CYP3A43: variants seen among roughly 807,000 people sequenced by gnomAD.
The protein encoded by CYP3A43 is cytochrome P450 3A43.
In CYP3A43, 45 loss-of-function variants were observed where a neutral mutation model predicts 58.0. The observed-to-expected ratio is 0.78, with a 90% CI of 0.61 to 0.99. The LOEUF (loss-of-function observed/expected upper bound fraction) is 0.99, where lower values mean the gene tolerates loss of function less well. Among genes scored for constraint, CYP3A43 ranks in the 50% least tolerant of loss-of-function variants. CYP3A43 has a pLI of 0.00. For missense variants in CYP3A43, 593 were observed against 591.9 expected, an observed-to-expected ratio of 1.00 and a Z score of -0.02; for synonymous variants, 191 against 201.4, an observed-to-expected ratio of 0.95 and a Z score of 0.44.
chr7:99,863,070 T>C (rs1356337748), intron 11 of CYP3A43, among the ~76,000 whole-genome samples: 4 of 152,236 alleles, frequency 2.6e-5, no homozygotes, highest in Admixed American at 2.0e-4. Flanking sequence ...CACATAACTA[T>C]ATTCTATAGA....
chr7:99,842,815 G>A (rs141333813), intron 3 of CYP3A43, among the ~76,000 whole-genome samples: 83 of 152,292 alleles, frequency 5.5e-4, no homozygotes, highest in Non-Finnish European at 8.8e-4. Context: ...CCCAGATGGC[G>A]TCCCTCGTAA....
chr7:99,851,874 G>A (rs1817775531), intron 7 of CYP3A43, among the ~76,000 whole-genome samples: 1 of 152,090 alleles, frequency 6.6e-6, no homozygotes, highest in Non-Finnish European at 1.5e-5. Context: ...AGAATCTATT[G>A]CCAATTGTGA....
At chr7:99,853,274 G>A (rs1817832412) in intron 7 of CYP3A43, among the ~76,000 whole-genome samples, 1 of 152,112 alleles carries the variant, frequency 6.6e-6, no homozygotes, top group Admixed American at 6.5e-5. Flanking sequence ...GCCTTTATAT[G>A]TTATAGATCT....
intron 3 of CYP3A43, among the ~76,000 whole-genome samples, chr7:99,842,927 C>T (rs1272378667): frequency 1.3e-5 from 2 of 152,210 alleles, no homozygotes. Flanking sequence ...TGTTGAATCT[C>T]ACTTACCCTG....
chr7:99,848,688 G>A (rs1817631881), intron 6 of CYP3A43, among the ~76,000 whole-genome samples: 1 of 152,084 alleles, frequency 6.6e-6, no homozygotes, highest in African/African-American at 2.4e-5. Context: ...TTATTTTGCT[G>A]AGGATACCAC....
At chr7:99,848,765 G>T (rs966688099) in intron 6 of CYP3A43, among the ~76,000 whole-genome samples, 1 of 152,154 alleles carries the variant, frequency 6.6e-6, no homozygotes, top group Non-Finnish European at 1.5e-5. Context: ...AATTTTAAAA[G>T]ACTCTGTAAA....
chr7:99,852,843 T>C (rs940961088), intron 7 of CYP3A43, among the ~76,000 whole-genome samples: 2 of 152,226 alleles, frequency 1.3e-5, no homozygotes, highest in Non-Finnish European at 2.9e-5. Flanking sequence ...CAAAAGTCTT[T>C]TGGATTTTTG....
intron 2 of CYP3A43, among the ~76,000 whole-genome samples, chr7:99,837,149 C>CAA (rs59738486): frequency 1.2e-3 from 98 of 80,602 alleles, no homozygotes; most frequent in South Asian, 3.4e-3. Flanking sequence ...ACTAAAAATA[C>CAA]AAAAAAAAAA....
At chr7:99,852,607 G>T (rs750554068) in intron 7 of CYP3A43, among the ~76,000 whole-genome samples, 2 of 152,022 alleles carry the variant, frequency 1.3e-5, no homozygotes, top group African/African-American at 4.8e-5. Context: ...ATATTGTAAC[G>T]TACAGAAATA....
At chr7:99,858,802 C>T (rs1297028182) in intron 9 of CYP3A43, among the ~76,000 whole-genome samples, 1 of 151,872 alleles carries the variant, frequency 6.6e-6, no homozygotes, top group Admixed American at 6.6e-5. Flanking sequence ...AAGCAATTCT[C>T]CTGCCTCAGC....
At position 99,855,651 on chromosome 7, in the gene CYP3A43, A is replaced by G; in HGVS notation, c.731A>G (p.Asp244Gly). Residue 244 changes from aspartate to glycine, a missense_variant, in exon 8 of 13, where the codon GAT (aspartate) becomes GGT (glycine). By Grantham distance (94) the Asp-to-Gly change is moderately conservative. Coordinates refer to ENST00000354829, the MANE Select transcript of CYP3A43 (RefSeq NM_057095.3). ...CTAAATATCGGTTTGTTTCCAAAAG[A>G]TGTTACCCATTTTTTAAAAAATTCC... ...EALNIGLFPK[D>G]VTHFLKNSIE... The G allele has an allele frequency of 1.2e-6, 2 of 1,613,576 alleles. No homozygotes were observed.
chr7:99,862,037 G>A (rs367893804), intron 11 of CYP3A43, among the ~76,000 whole-genome samples, 198 bp downstream of exon 11: 1 of 151,260 alleles, frequency 6.6e-6, no homozygotes, highest in African/African-American at 2.5e-5. Context: ...ACTATGTAAT[G>A]CCTGTCTTGT....
intron 7 of CYP3A43, among the ~76,000 whole-genome samples, chr7:99,853,493 C>T (rs1159555039): frequency 6.6e-6 from 1 of 151,950 alleles, no homozygotes; most frequent in Non-Finnish European, 1.5e-5. Context: ...TGAGTCATCT[C>T]TTATTTCTTC....
At chr7:99,861,370 T>C (rs555809198) in intron 10 of CYP3A43, among the ~76,000 whole-genome samples, 51 of 152,210 alleles carry the variant, frequency 3.4e-4, no homozygotes, top group Non-Finnish European at 6.3e-4. Flanking sequence ...GAAATGGTAA[T>C]GTCAAGGATT....
intron 1 of CYP3A43, among the ~76,000 whole-genome samples, chr7:99,830,603 C>A (rs1816805084): frequency 6.6e-6 from 1 of 152,128 alleles, no homozygotes; most frequent in Non-Finnish European, 1.5e-5. Flanking sequence ...AGCACTGATG[C>A]CTGACAGACA....
At position 99,839,277 on chromosome 7, in the gene CYP3A43, G is replaced by A. The variant is rs1817230506; in HGVS notation, c.218+105G>A. 5 of 1,329,156 alleles carry A rather than the reference G, an allele frequency of 3.8e-6. No homozygotes were observed. The East Asian group carries it at 9.2e-5, about 24-fold the overall frequency. 82.3% of individuals were successfully genotyped at this position (1,329,156 alleles called of 1,614,324 possible). On this transcript the variant is annotated intron_variant, in intron 3 of 12. Transcript: ENST00000354829. ...CAGATTTTGTTTGGATAATGCTATT[G>A]TCAACCTAAGTAACAAACAGAGAGA...
intron 11 of CYP3A43, among the ~76,000 whole-genome samples, 173 bp from the exon 12 acceptor site, chr7:99,863,364 A>T (rs1305756904): frequency 6.6e-6 from 1 of 152,234 alleles, no homozygotes; most frequent in Non-Finnish European, 1.5e-5. Context: ...CATGGGTTTA[A>T]CCTTCAAAAA....
At position 99,861,838 on chromosome 7, in the gene CYP3A43, A is replaced by T. The variant is rs1193243292; in HGVS notation, c.1252A>T (p.Arg418Trp). ...WTEPEKFCPERFSKKNKDSID... is the reference protein window; with the variant it reads ...WTEPEKFCPEWFSKKNKDSID... ...AGAGCCTGAGAAGTTCTGCCCTGAA[A>T]GGTACAAGGCCCCTGGGAAAGGAGC... Residue 418 changes from arginine to tryptophan, a missense_variant and splice_region_variant, in exon 11 of 13, where the codon AGG becomes TGG. By Grantham distance (101) the Arg-to-Trp change is moderately radical (BLOSUM62 -3). Transcript: ENST00000354829. 8 of 1,612,460 alleles carry T rather than the reference A, an allele frequency of 5.0e-6. No homozygotes were observed. The highest frequency in any genetic ancestry group is 1.3e-5 in the African/African-American group (1 of 74,898).
At chr7:99,855,222 G>C (rs1817926330) in intron 7 of CYP3A43, among the ~76,000 whole-genome samples, 1 of 152,126 alleles carries the variant, frequency 6.6e-6, no homozygotes, top group Non-Finnish European at 1.5e-5. Context: ...TTTCTATCCT[G>C]ACTACTATTT....
Sources: allele counts gnomAD v4.1 joint callset (sites outside exome capture counted in the v4.1 genomes callset), GRCh38; gene constraint gnomAD v4.1.1; transcripts MANE v1.5; gene names NCBI Gene and HGNC (gene_info 2026-07-23, HGNC 2026-07-21).